Variants in PRKACB observed in about 807,000 individuals in gnomAD.
PRKACB encodes the protein protein kinase cAMP-activated catalytic subunit beta.
In PRKACB, 16 loss-of-function variants were observed where a neutral mutation model predicts 51.4. That is an observed-to-expected ratio of 0.31 (90% confidence interval 0.21 to 0.47). The LOEUF is 0.47. Among genes scored for constraint, PRKACB ranks in the 20% least tolerant of loss-of-function variants. PRKACB has a pLI of 1.00. For missense variants in PRKACB, 309 were observed against 464.5 expected (o/e 0.67, Z 3.08); for synonymous variants, 147 against 154.4 (o/e 0.95, Z 0.35).
chr1:84,088,762 G>A (rs140100467), intron 1 of PRKACB, among the ~76,000 whole-genome samples: 21 of 152,240 alleles, frequency 1.4e-4, no homozygotes, highest in African/African-American at 3.9e-4. Flanking sequence ...CTTATTGAGC[G>A]CCTACTTTAA....
chr1:84,084,158 T>A (rs1168827031), intron 1 of PRKACB, among the ~76,000 whole-genome samples: 2 of 152,184 alleles, frequency 1.3e-5, no homozygotes, highest in African/African-American at 4.8e-5. Flanking sequence ...ACTTGAGCAT[T>A]GAAAATGATA....
At chr1:84,113,749 C>G (rs1192112402) in intron 1 of PRKACB, among the ~76,000 whole-genome samples, 2 of 152,102 alleles carry the variant, frequency 1.3e-5, no homozygotes. Flanking sequence ...ACACAAAAGA[C>G]CACACATTGT....
intron 8 of PRKACB, chr1:84,204,476 C>A (rs760115530): frequency 6.3e-7 from 1 of 1,582,842 alleles, no homozygotes; most frequent in Non-Finnish European, 8.7e-7. Flanking sequence ...TGTTTTCTCC[C>A]AGCAGAACTT....
chr1:84,209,746 C>T (rs1671859630), intron 8 of PRKACB, among the ~76,000 whole-genome samples: 1 of 152,160 alleles, frequency 6.6e-6, no homozygotes, highest in South Asian at 2.1e-4. Flanking sequence ...TTGTCTTCCT[C>T]ACTAGAATGT....
intron 5 of PRKACB, among the ~76,000 whole-genome samples, chr1:84,194,045 T>A (rs1346118172): frequency 6.6e-6 from 1 of 152,144 alleles, no homozygotes; most frequent in Non-Finnish European, 1.5e-5. Context: ...ATTAATATAG[T>A]GTCAGGCACT....
chr1:84,109,074 A>T (rs1348198377), intron 1 of PRKACB, among the ~76,000 whole-genome samples: 1 of 151,916 alleles, frequency 6.6e-6, no homozygotes. Context: ...CTTGTTAGGT[A>T]TAGTTGGAAA....
chr1:84,204,441 G>A (rs774338155), intron 8 of PRKACB: 1 of 1,428,532 alleles, frequency 7.0e-7, no homozygotes, highest in Non-Finnish European at 9.8e-7. Flanking sequence ...TAGATCTCTG[G>A]CTTCAGACTT....
At chr1:84,155,491 A>G (rs1655384677) in intron 1 of PRKACB, among the ~76,000 whole-genome samples, 1 of 152,204 alleles carries the variant, frequency 6.6e-6, no homozygotes. Flanking sequence ...TTTCAATGAC[A>G]GGTTTCGCAA....
intron 1 of PRKACB, among the ~76,000 whole-genome samples, chr1:84,096,760 A>G (rs1488825127): frequency 1.3e-5 from 2 of 152,066 alleles, no homozygotes; most frequent in African/African-American, 4.8e-5. Context: ...AATCTGTGCA[A>G]TGAATCATAG....
At chr1:84,155,651 T>C (rs1357294922) in intron 1 of PRKACB, among the ~76,000 whole-genome samples, 1 of 152,202 alleles carries the variant, frequency 6.6e-6, no homozygotes, top group Non-Finnish European at 1.5e-5. Context: ...GAAAATAAGA[T>C]GTCATTCAGA....
At chr1:84,110,171 A>G (rs1190615002) in intron 1 of PRKACB, among the ~76,000 whole-genome samples, 3 of 151,990 alleles carry the variant, frequency 2.0e-5, no homozygotes, top group African/African-American at 4.8e-5. Context: ...CCAGCCATGT[A>G]TCAAAAATAT....
chr1:84,131,648 C>T (rs1652224909), intron 1 of PRKACB, among the ~76,000 whole-genome samples: 1 of 152,260 alleles, frequency 6.6e-6, no homozygotes, highest in Admixed American at 6.5e-5. Context: ...GATTGCAGGG[C>T]AACCACTAGC....
At chr1:84,181,908 T>G (rs1663635249) in intron 2 of PRKACB, among the ~76,000 whole-genome samples, 1 of 152,036 alleles carries the variant, frequency 6.6e-6, no homozygotes, top group Admixed American at 6.6e-5. Flanking sequence ...AGTCCAATAC[T>G]AGGAATGCAT....
At chr1:84,201,395 C>A (rs1219426072) in intron 7 of PRKACB, among the ~76,000 whole-genome samples, 3 of 151,434 alleles carry the variant, frequency 2.0e-5, no homozygotes, top group Non-Finnish European at 3.0e-5. Context: ...TAACATTTTT[C>A]TTATTGATGT....
At chr1:84,175,740 T>C (rs1421947249) in intron 1 of PRKACB, 3 of 1,473,546 alleles carry the variant, frequency 2.0e-6, no homozygotes, top group Admixed American at 2.5e-5. Flanking sequence ...TCTCTTTTTT[T>C]TTTCATCTCT....
At chr1:84,198,487 A>T (rs962770114) in intron 7 of PRKACB, among the ~76,000 whole-genome samples, 1 of 152,136 alleles carries the variant, frequency 6.6e-6, no homozygotes, top group Non-Finnish European at 1.5e-5. Flanking sequence ...TGGTTCCCAA[A>T]TGGAATCATT....
intron 1 of PRKACB, among the ~76,000 whole-genome samples, chr1:84,105,588 T>C (rs535196234): frequency 5.1e-5 from 7 of 138,310 alleles, no homozygotes; most frequent in African/African-American, 1.3e-4. Context: ...TATTTATTTA[T>C]TTACTGAGAC....
At chr1:84,080,418 A>G (rs1423756330) in intron 1 of PRKACB, among the ~76,000 whole-genome samples, 3 of 152,146 alleles carry the variant, frequency 2.0e-5, no homozygotes, top group African/African-American at 7.2e-5. Flanking sequence ...CTAGTTCTTA[A>G]GTATGTTAGT....
At chr1:84,095,279 C>T (rs953829584) in intron 1 of PRKACB, among the ~76,000 whole-genome samples, 1 of 146,106 alleles carries the variant, frequency 6.8e-6, no homozygotes, top group Non-Finnish European at 1.5e-5. Context: ...TTCCTTCATG[C>T]ATTCTCTGGT....
Sources: gnomAD v4.1 joint callset for allele counts (sites outside exome capture counted in the v4.1 genomes callset) on GRCh38, gnomAD v4.1.1 for gene constraint, MANE v1.5 for transcripts, NCBI Gene and HGNC (gene_info 2026-07-23, HGNC 2026-07-21) for gene names.